The following PIM1 variants were observed in gnomAD, a reference collection of about 807,000 sequenced individuals.
PIM1 encodes Pim-1 proto-oncogene, serine/threonine kinase, also known as serine/threonine-protein kinase pim-1.
In PIM1, 9 loss-of-function variants were observed where a neutral mutation model predicts 34.5. That is an observed-to-expected ratio of 0.26 (90% CI 0.16 to 0.46). The LOEUF is 0.46. Ranked by LOEUF, PIM1 falls within the 20% of genes least tolerant of loss-of-function variation. The probability of loss-of-function intolerance (pLI) is 1.00; values close to 1 mark genes in which losing one functional copy is unlikely to be tolerated. For synonymous variants in PIM1, 199 were observed against 175.2 expected (o/e 1.14, Z -1.07); for missense variants, 274 against 410.9 (o/e 0.67, Z 2.88).
chr6:37,172,437 C>T (rs1259023319), intron 4 of PIM1: 1 of 365,248 alleles, frequency 2.7e-6, no homozygotes, highest in East Asian at 7.3e-5. Flanking sequence ...TGAAACCAAC[C>T]CTGCAGCTCT....
chr6:37,172,246 GTT>G (rs1395218866), intron 4 of PIM1, among the ~76,000 whole-genome samples: 1 of 152,142 alleles, frequency 6.6e-6, no homozygotes, highest in Non-Finnish European at 1.5e-5. Flanking sequence ...TGTGGTTTAT[GTT>G]TATTTGCCCT....
rs1028031823 is a variant in PIM1 at position 37,174,912 on chromosome 6, A to AT, written c.*825dup. ...TTGTAGTGGATCTAATTTTTAAGAA[A>AT]TTTTGCCTTTAAGTTATTTTACCTG... On this transcript the variant is annotated 3_prime_UTR_variant, in exon 6 of 6. Transcript: ENST00000373509. The AT allele has an allele frequency of 2.1e-5, 5 of 233,516 alleles. No homozygotes were observed. The highest frequency in any genetic ancestry group is 1.1e-4 in the Admixed American group (2 of 17,762). The allele number at this position is 233,516 out of a possible 1,614,324, so 14.5% of individuals were successfully genotyped here. A position where few individuals can be genotyped will look rare whatever the true frequency, so the allele number is the denominator to read the frequency against.
In PIM1 at chr6:37,174,041, G is replaced by A; in HGVS notation, c.892G>A (p.Glu298Lys). 1.2e-6 allele frequency: 2 copies of A among 1,614,070 alleles called. No individual in the cohort carries two copies. The highest frequency in any genetic ancestry group is 1.7e-6 in the Non-Finnish European group (2 of 1,179,996). ...PWMQDVLLPQETAEIHLHSLS... is the reference protein window; with the variant it reads ...PWMQDVLLPQKTAEIHLHSLS... ...GATGCAAGATGTTCTCCTGCCCCAG[G>A]AAACTGCTGAGATCCACCTCCACAG... is the stretch of plus-strand genomic sequence containing the variant. Residue 298 changes from glutamate (E) to lysine (K), a missense_variant, in exon 6 of 6, where the codon GAA becomes AAA. Around this residue, in one of 2 missense-constraint regions of PIM1, gnomAD observed 168 missense variants for 299.4 expected, o/e 0.56. Transcript: ENST00000373509.
intron 4 of PIM1, among the ~76,000 whole-genome samples, chr6:37,171,807 C>T (rs1290519509): frequency 6.6e-6 from 1 of 152,208 alleles, no homozygotes; most frequent in Non-Finnish European, 1.5e-5. Context: ...CCCAGTTTCC[C>T]CGCCAGTAAA....
intron 4 of PIM1, chr6:37,172,438 CT>C: frequency 2.7e-6 from 1 of 373,222 alleles, no homozygotes; most frequent in African/African-American, 2.1e-5. Flanking sequence ...GAAACCAACC[CT>C]GCAGCTCTGT....
rs371684650 is a variant in PIM1, at chr6:37,174,137, G to A, written c.*46G>A. ...CCCCTCTCTTGTCAGATGCCCGAGG[G>A]AGGGGAAGCTTCTGTCTCCAGCTTC... On this transcript the variant is annotated 3_prime_UTR_variant, in exon 6 of 6. Coordinates refer to ENST00000373509, the MANE Select transcript of PIM1 (RefSeq NM_002648.4). The A allele has an allele frequency of 8.3e-6, 13 of 1,573,922 alleles. No homozygotes were observed. The African/African-American group carries it at 1.6e-4, about 20-fold the overall frequency.
In PIM1 at chr6:37,170,222, C is replaced by A. The variant is rs1762242229; in HGVS notation, c.-354C>A. 6 of 1,271,168 alleles carry A rather than the reference C, an allele frequency of 4.7e-6. No homozygotes were observed. In the South Asian group the frequency reaches 9.9e-5, roughly 21 times the overall value. The allele number at this position is 1,271,168 out of a possible 1,614,324, so 78.7% of individuals were successfully genotyped here. A position where few individuals can be genotyped will look rare whatever the true frequency, so the allele number is the denominator to read the frequency against. On this transcript the variant is annotated 5_prime_UTR_variant, in exon 1 of 6. Transcript: ENST00000373509. ...GTGGCTGAGGAGGCCCGAGAGGAGT[C>A]GGTGGCAGCGGCGGCGGCGGGACCG...
At position 37,171,417 on chromosome 6, in the gene PIM1, A is replaced by G. The variant is rs752207702; in HGVS notation, c.533A>G (p.Asn178Ser). ...GACGAAAACATCCTTATCGACCTCA[A>G]TCGCGGCGAGCTCAAGCTCATCGAC... ...IKDENILIDL[N>S]RGELKLIDFG... is the part of the protein sequence containing the mutation. Residue 178 changes from asparagine (N) to serine (S), a missense_variant, in exon 4 of 6, where the codon AAT becomes AGT. Asn to Ser is a conservative substitution (Grantham distance 46). Transcript: ENST00000373509. The G allele has an allele frequency of 1.7e-5, 27 of 1,613,944 alleles. No individual in the cohort carries two copies. The East Asian group carries it at 2.5e-4, about 15-fold the overall frequency.
intron 4 of PIM1, 144 bp downstream of exon 4, chr6:37,171,635 G>C: frequency 2.0e-6 from 2 of 975,876 alleles, no homozygotes; most frequent in Non-Finnish European, 3.0e-6. Context: ...GGACGCAGGA[G>C]AGCCTCCCAG....
In PIM1 at chr6:37,174,207, A is replaced by C; in HGVS notation, c.*116A>C. ...CTCGCCAAGCAGGACAGTGCTTGAT[A>C]CAGGAACAACATTTACAACTCATTC... is the stretch of plus-strand genomic sequence containing the variant. On this transcript the variant is annotated 3_prime_UTR_variant, in exon 6 of 6. Coordinates refer to ENST00000373509, the MANE Select transcript of PIM1 (RefSeq NM_002648.4). 1 of 986,646 alleles carries C rather than the reference A, an allele frequency of 1.0e-6. No homozygotes were observed. The highest frequency in any genetic ancestry group is 1.5e-6 in the Non-Finnish European group (1 of 677,164). 61.1% of individuals were successfully genotyped at this position (986,646 alleles called of 1,614,324 possible).
rs1413962129 is a variant in PIM1 at position 37,174,341 on chromosome 6, C to T, written c.*250C>T. ...GATACTCTCTTCTTCTCATAGGTGT[C>T]CAGCATTGCTGGACTCTGAAATATC... is the stretch of plus-strand genomic sequence containing the variant. On this transcript the variant is annotated 3_prime_UTR_variant, in exon 6 of 6. Transcript: ENST00000373509. 8.3e-6 allele frequency: 2 copies of T among 242,176 alleles called. No homozygotes were observed. The highest frequency in any genetic ancestry group is 1.3e-4 in the Admixed American group (2 of 14,996). The allele number at this position is 242,176 out of a possible 1,614,324, so 15.0% of individuals were successfully genotyped here.
At position 37,171,473 on chromosome 6, in the gene PIM1, G is replaced by T. The variant is rs137884665; in HGVS notation, c.589G>T (p.Val197Phe). ...FGSGALLKDT[V>F]YTDFDGTRVY... ...GTCGGGGGCGCTGCTCAAGGACACC[G>T]TCTACACGGACTTCGATGGTGAGCC... Residue 197 changes from valine (V) to phenylalanine (F), a missense_variant, in exon 4 of 6, where the codon GTC (valine) becomes TTC (phenylalanine). Physicochemically the swap from Val to Phe is conservative, Grantham distance 50. Around this residue, in one of 2 missense-constraint regions of PIM1, gnomAD observed 168 missense variants for 299.4 expected, o/e 0.56. Transcript: ENST00000373509. The T allele has an allele frequency of 8.7e-6, 14 of 1,613,458 alleles. No homozygotes were observed. Among genetic ancestry groups the T allele is most frequent in the African/African-American group, 1.3e-5 (1 of 75,046 alleles).
Position 37,170,318 on chromosome 6 carries a change from C to G in PIM1, c.-258C>G. 1 of 1,471,592 alleles carries G rather than the reference C, an allele frequency of 6.8e-7. No homozygotes were observed. The highest frequency in any genetic ancestry group is 9.0e-7 in the Non-Finnish European group (1 of 1,114,688). The allele number at this position is 1,471,592 out of a possible 1,614,324, so 91.2% of individuals were successfully genotyped here. A position where few individuals can be genotyped will look rare whatever the true frequency, so the allele number is the denominator to read the frequency against. ...CCCCGCGGCGCTGCCGCACGAGCCC[C>G]ACGAGCCGCTCACCCCGCCGTTCTC... On this transcript the variant is annotated 5_prime_UTR_variant, in exon 1 of 6. Transcript: ENST00000373509.
At chr6:37,173,317 C>T (rs1018781998) in intron 5 of PIM1, 145 bp downstream of exon 5, 9 of 721,380 alleles carry the variant, frequency 1.2e-5, no homozygotes, top group Non-Finnish European at 1.6e-5. Flanking sequence ...GAGTGATTTA[C>T]ACTTGAGCTG....
rs922102669 is a variant in PIM1 at position 37,174,155 on chromosome 6, C to T, written c.*64C>T. The T allele has an allele frequency of 6.7e-7, 1 of 1,497,036 alleles. No individual in the cohort carries two copies. Among genetic ancestry groups the T allele is most frequent in the African/African-American group, 1.4e-5 (1 of 72,048 alleles). 92.7% of individuals were successfully genotyped at this position (1,497,036 alleles called of 1,614,324 possible). Reference sequence around the variant, plus strand: ...CCCGAGGGAGGGGAAGCTTCTGTCTCCAGCTTCCCGAGTACCAGTGACACG... The same window carrying T: ...CCCGAGGGAGGGGAAGCTTCTGTCTTCAGCTTCCCGAGTACCAGTGACACG... On this transcript the variant is annotated 3_prime_UTR_variant, in exon 6 of 6. Transcript: ENST00000373509.
At chr6:37,172,007 G>A (rs190120121) in intron 4 of PIM1, among the ~76,000 whole-genome samples, 1 of 152,184 alleles carries the variant, frequency 6.6e-6, no homozygotes, top group East Asian at 1.9e-4. Flanking sequence ...AGTGTTAAGG[G>A]GAGAGAGAGT....
Position 37,171,117 on chromosome 6 carries a change from C to T in PIM1, c.241-8C>T, listed in dbSNP as rs1361760673. 3 of 1,613,864 alleles carry T rather than the reference C, an allele frequency of 1.9e-6. No individual in the cohort carries two copies. The highest frequency in any genetic ancestry group is 2.5e-6 in the Non-Finnish European group (3 of 1,179,946). On this transcript the variant is annotated splice_region_variant and splice_polypyrimidine_tract_variant and intron_variant, in intron 3 of 5. Coordinates refer to ENST00000373509, the MANE Select transcript of PIM1 (RefSeq NM_002648.4). Reference sequence around the variant, plus strand: ...TCCCGCCCTAACGCGGCCCCCTCGCCCCTGCAGCCTAATGGCACTCGAGTG... The same window carrying T: ...TCCCGCCCTAACGCGGCCCCCTCGCTCCTGCAGCCTAATGGCACTCGAGTG...
Position 37,174,575 on chromosome 6 carries a change from A to C in PIM1, c.*484A>C. The C allele has an allele frequency of 4.3e-6, 1 of 234,068 alleles. No homozygotes were observed. The highest frequency in any genetic ancestry group is 6.0e-5 in the East Asian group (1 of 16,586). 14.5% of individuals were successfully genotyped at this position (234,068 alleles called of 1,614,324 possible). On this transcript the variant is annotated 3_prime_UTR_variant, in exon 6 of 6. Coordinates refer to ENST00000373509, the MANE Select transcript of PIM1 (RefSeq NM_002648.4). ...CCGGCTGTGCTGGGAGAAATACTTGAACTTGCCTCTTTTACCTGCTGCTTC... is the reference window on the plus strand; with the variant it reads ...CCGGCTGTGCTGGGAGAAATACTTGCACTTGCCTCTTTTACCTGCTGCTTC...
chr6:37,172,818 A>G (rs1379512396), intron 4 of PIM1, 178 bp from the exon 5 acceptor site: 1 of 700,028 alleles, frequency 1.4e-6, no homozygotes, highest in Non-Finnish European at 2.6e-6. Flanking sequence ...TGGGTTGGAG[A>G]GATGCCGTAA....
Sources: allele counts gnomAD v4.1 joint callset (sites outside exome capture counted in the v4.1 genomes callset), GRCh38; gene constraint gnomAD v4.1.1; regional missense constraint gnomAD v4.1.1; transcripts MANE v1.5; gene names NCBI Gene and HGNC (gene_info 2026-07-23, HGNC 2026-07-21).